MACROD2: variants seen among roughly 807,000 people sequenced by gnomAD.
MACROD2 encodes ADP-ribose glycohydrolase MACROD2.
Under a neutral mutation model 70.4 loss-of-function variants are expected in MACROD2, and 36 were observed. That is an observed-to-expected ratio of 0.51 (90% CI 0.39 to 0.68). The LOEUF (loss-of-function observed/expected upper bound fraction) is 0.68, where lower values mean the gene tolerates loss of function less well. Ranked by LOEUF, MACROD2 falls within the 30% of genes least tolerant of loss-of-function variation. The probability of loss-of-function intolerance (pLI) is 0.00; values close to 1 mark genes in which losing one functional copy is unlikely to be tolerated. For synonymous variants in MACROD2, 172 were observed against 178.8 expected, an observed-to-expected ratio of 0.96 and a Z score of 0.30; for missense variants, 496 against 538.4, an observed-to-expected ratio of 0.92 and a Z score of 0.78.
intron 7 of MACROD2, among the ~76,000 whole-genome samples, chr20:15,454,221 A>G (rs1386934032): frequency 6.6e-6 from 1 of 152,116 alleles, no homozygotes; most frequent in African/African-American, 2.4e-5. Context: ...TGTATCTTTA[A>G]TAAGAACAGA....
In MACROD2 at chr20:15,622,254, A is replaced by G. The variant is rs570883242; in HGVS notation, c.645+122407A>G. Among the ~76,000 whole-genome samples, 3 of 152,382 alleles carry G rather than the reference A, an allele frequency of 2.0e-5. No homozygotes were observed. The East Asian group carries it at 5.8e-4, about 29-fold the overall frequency. ...CATTATTGAGAAACAAGTTCTCTCCAAATAAGTTTGAGGAGACATTCTCCA... is the reference window on the plus strand; with the variant it reads ...CATTATTGAGAAACAAGTTCTCTCCGAATAAGTTTGAGGAGACATTCTCCA... On this transcript the variant is annotated intron_variant, in intron 8 of 17. Coordinates refer to ENST00000684519, the MANE Select transcript of MACROD2 (RefSeq NM_001351661.2).
chr20:14,424,271 G>T (rs2083910113), intron 3 of MACROD2, among the ~76,000 whole-genome samples: 1 of 151,976 alleles, frequency 6.6e-6, no homozygotes, highest in Non-Finnish European at 1.5e-5. Flanking sequence ...TAAAATAATT[G>T]TATCCCCCTT....
At chr20:14,619,111 A>G (rs1983651924) in intron 4 of MACROD2, among the ~76,000 whole-genome samples, 1 of 151,936 alleles carries the variant, frequency 6.6e-6, no homozygotes. Context: ...ATGTAAAGAT[A>G]TCATTATTTC....
chr20:14,237,797 G>C (rs1227325594), intron 3 of MACROD2, among the ~76,000 whole-genome samples: 1 of 149,138 alleles, frequency 6.7e-6, no homozygotes, highest in African/African-American at 2.5e-5. Flanking sequence ...TGCGGTGTTT[G>C]GTTTTTTTGT....
At chr20:15,699,545 GTTGGCCTCCTGC>G (rs2050425199) in intron 8 of MACROD2, among the ~76,000 whole-genome samples, 1 of 152,130 alleles carries the variant, frequency 6.6e-6, no homozygotes, top group Non-Finnish European at 1.5e-5. Context: ...TTTTGTGCTG[GTTGGCCTCCTGC>G]CAGGAGGGGG....
At chr20:15,208,057 T>C (rs1202324447) in intron 5 of MACROD2, among the ~76,000 whole-genome samples, 1 of 150,174 alleles carries the variant, frequency 6.7e-6, no homozygotes, top group Non-Finnish European at 1.5e-5. Context: ...AGATCTTTTG[T>C]AATAGTTTCA....
intron 3 of MACROD2, among the ~76,000 whole-genome samples, chr20:14,468,718 A>T (rs996897052): frequency 7.2e-5 from 11 of 151,962 alleles, no homozygotes; most frequent in African/African-American, 2.4e-4. Flanking sequence ...TATCATGTTG[A>T]CCAGGCTGGT....
intron 8 of MACROD2, among the ~76,000 whole-genome samples, chr20:15,620,006 G>A (rs1281736048): frequency 1.3e-5 from 2 of 152,074 alleles, no homozygotes; most frequent in African/African-American, 4.8e-5. Flanking sequence ...ATTCCAGATA[G>A]CTGAGGCAGA....
At chr20:15,823,987 C>A (rs547578714) in intron 8 of MACROD2, among the ~76,000 whole-genome samples, 1 of 152,290 alleles carries the variant, frequency 6.6e-6, no homozygotes, top group African/African-American at 2.4e-5. Context: ...AGTAACCAGA[C>A]TGTAAAATGG....
intron 10 of MACROD2, among the ~76,000 whole-genome samples, chr20:15,916,283 G>T (rs915071372): frequency 1.3e-5 from 2 of 152,190 alleles, no homozygotes; most frequent in Admixed American, 6.5e-5. Flanking sequence ...TATAGAGGAT[G>T]CGTGTCCTCA....
chr20:14,674,918 C>A (rs2070841101), intron 4 of MACROD2, among the ~76,000 whole-genome samples: 1 of 152,242 alleles, frequency 6.6e-6, no homozygotes, highest in Non-Finnish European at 1.5e-5. Flanking sequence ...AAGTTACCAT[C>A]TTTTATTTAC....
chr20:15,327,999 A>G (rs956066160), intron 6 of MACROD2, among the ~76,000 whole-genome samples: 1 of 152,108 alleles, frequency 6.6e-6, no homozygotes, highest in Non-Finnish European at 1.5e-5. Flanking sequence ...ACTAAATTAT[A>G]TAGTATGTTA....
rs149512963 is a variant in MACROD2 at position 14,296,706 on chromosome 20, A to G, written c.272-196773A>G. On this transcript the variant is annotated intron_variant, in intron 3 of 17. Transcript: ENST00000684519. ...GAATTACTTTTGGTCAAAGATTGTA[A>G]TTACAAAGCAGTGTGTGCTGCACTT... Among the ~76,000 whole-genome samples, 45 of 152,168 alleles carry G rather than the reference A, an allele frequency of 3.0e-4. 3 individuals are homozygous for G. In the East Asian group the frequency reaches 4.2e-3, roughly 14 times the overall value.
chr20:15,954,376 C>G (rs2065947421), intron 12 of MACROD2, among the ~76,000 whole-genome samples: 1 of 152,120 alleles, frequency 6.6e-6, no homozygotes, highest in Non-Finnish European at 1.5e-5. Flanking sequence ...CTCTGGTCAT[C>G]TTTTTGGTAA....
At chr20:15,367,152 T>C (rs948187582) in intron 6 of MACROD2, among the ~76,000 whole-genome samples, 6 of 151,584 alleles carry the variant, frequency 4.0e-5, no homozygotes, top group African/African-American at 1.2e-4. Context: ...CACAGCCTCC[T>C]GGGTAGCTGG....
chr20:14,204,628 C>A, intron 3 of MACROD2, among the ~76,000 whole-genome samples: 1 of 152,140 alleles, frequency 6.6e-6, no homozygotes, highest in Non-Finnish European at 1.5e-5. Context: ...TCTCACATAC[C>A]CTTTCCTCAT....
chr20:14,795,892 T>C (rs1301236298), intron 5 of MACROD2, among the ~76,000 whole-genome samples: 1 of 151,964 alleles, frequency 6.6e-6, no homozygotes, highest in African/African-American at 2.4e-5. Flanking sequence ...GATTGGTGCA[T>C]GAATAAAGGA....
intron 5 of MACROD2, among the ~76,000 whole-genome samples, chr20:14,983,174 C>T (rs2074817312): frequency 6.6e-6 from 1 of 152,138 alleles, no homozygotes. Flanking sequence ...CAATTTCTCC[C>T]ATTTGGATCA....
chr20:14,066,805 A>T (rs931322116), intron 2 of MACROD2, among the ~76,000 whole-genome samples: 5 of 104,126 alleles, frequency 4.8e-5, no homozygotes, highest in South Asian at 3.5e-4. Context: ...TGTTTTAGTG[A>T]TTTTTTTTTT....
Sources: gnomAD v4.1 joint callset for allele counts (sites outside exome capture counted in the v4.1 genomes callset) on GRCh38, gnomAD v4.1.1 for gene constraint, MANE v1.5 for transcripts, NCBI Gene and HGNC (gene_info 2026-07-23, HGNC 2026-07-21) for gene names.